CCNY: variants seen among roughly 807,000 people sequenced by gnomAD.
The protein encoded by CCNY is cyclin-Y.
A neutral mutation model predicts 42.8 loss-of-function variants in CCNY; 19 were observed. The ratio of observed to expected loss-of-function variants is 0.44; its 90% CI spans 0.31 to 0.65. The LOEUF (loss-of-function observed/expected upper bound fraction) is 0.65. CCNY is among the 30% of genes least tolerant of loss of function. CCNY has a pLI of 0.07. For missense variants in CCNY, 370 were observed against 437.3 expected, an observed-to-expected ratio of 0.85 and a Z score of 1.37; for synonymous variants, 165 against 162.7, an observed-to-expected ratio of 1.01 and a Z score of -0.11.
chr10:35,301,295 T>C (rs995343306), intron 3 of CCNY, among the ~76,000 whole-genome samples: 4 of 152,200 alleles, frequency 2.6e-5, no homozygotes, highest in Non-Finnish European at 5.9e-5. Flanking sequence ...GTAGACATGA[T>C]GGAAGGTCCA....
intron 1 of CCNY, among the ~76,000 whole-genome samples, chr10:35,394,391 G>T (rs917786810): frequency 1.3e-5 from 2 of 152,168 alleles, no homozygotes; most frequent in Admixed American, 6.5e-5. Context: ...AGAATTTCGC[G>T]CTGTGAAAAG....
exon 2 of CCNY, chr10:35,248,158 A>G (rs2135017621): frequency 6.6e-6 from 1 of 152,466 alleles, no homozygotes; most frequent in Middle Eastern, 3.4e-3. Flanking sequence ...CGGTCACAAC[A>G]TCAAGAGCTG....
intron 1 of CCNY, among the ~76,000 whole-genome samples, chr10:35,369,212 G>A (rs2135170624): frequency 6.6e-6 from 1 of 152,294 alleles, no homozygotes; most frequent in South Asian, 2.1e-4. Flanking sequence ...TGCCTGTCCT[G>A]ATTTCCACTC....
rs569545109 is a variant in CCNY, at chr10:35,268,051, A to G, written c.-9+17425A>G. 2.9e-4 allele frequency among the ~76,000 whole-genome samples: 44 copies of G among 152,098 alleles called. No individual in the cohort carries two copies. The South Asian group carries it at 9.1e-3, about 32-fold the overall frequency. Reference sequence around the variant, plus strand: ...GGGATTCTCCTGCCTCAGCCTCCCAAGTAGCTGGGATTATAAGCATGCGCC... The same window carrying G: ...GGGATTCTCCTGCCTCAGCCTCCCAGGTAGCTGGGATTATAAGCATGCGCC... On this transcript the variant is annotated intron_variant, in intron 3 of 11. Transcript: ENST00000374706.
At chr10:35,447,473 G>T (rs1564414620) in intron 1 of CCNY, among the ~76,000 whole-genome samples, 1 of 152,158 alleles carries the variant, frequency 6.6e-6, no homozygotes, top group Non-Finnish European at 1.5e-5. Flanking sequence ...AGACAGTGGG[G>T]TGATTATGAC....
chr10:35,319,857 G>A (rs1280975247), intron 3 of CCNY, among the ~76,000 whole-genome samples: 1 of 152,128 alleles, frequency 6.6e-6, no homozygotes, highest in East Asian at 1.9e-4. Context: ...GGTTGAGGCA[G>A]GAGAATTGCT....
chr10:35,388,819 CAG>C (rs930213333), intron 1 of CCNY, among the ~76,000 whole-genome samples: 11 of 152,194 alleles, frequency 7.2e-5, no homozygotes, highest in Admixed American at 6.5e-4. Context: ...TGGAGGCTCT[CAG>C]GGAGAATCTG....
At chr10:35,441,215 C>T (rs771714567) in intron 1 of CCNY, among the ~76,000 whole-genome samples, 3 of 152,120 alleles carry the variant, frequency 2.0e-5, no homozygotes, top group Non-Finnish European at 4.4e-5. Flanking sequence ...CAGAATGGAA[C>T]CATTGTAAGC....
chr10:35,548,746 G>A (rs1841174598), intron 7 of CCNY, among the ~76,000 whole-genome samples: 1 of 152,152 alleles, frequency 6.6e-6, no homozygotes, highest in Admixed American at 6.5e-5. Context: ...GGAGAAGGTG[G>A]AAGGGAGGCA....
intron 1 of CCNY, among the ~76,000 whole-genome samples, chr10:35,419,923 A>G (rs985928661): frequency 7.4e-6 from 1 of 135,590 alleles, no homozygotes; most frequent in Non-Finnish European, 1.6e-5. Context: ...TATGGCTGTA[A>G]TTTTTTTTTT....
At chr10:35,549,623 C>T (rs556024774) in intron 7 of CCNY, among the ~76,000 whole-genome samples, 3 of 142,604 alleles carry the variant, frequency 2.1e-5, no homozygotes, top group Non-Finnish European at 3.0e-5. Flanking sequence ...GACACATGAC[C>T]CTACAGTGCT....
chr10:35,545,353 C>G (rs538563000), intron 7 of CCNY, among the ~76,000 whole-genome samples: 1 of 152,180 alleles, frequency 6.6e-6, no homozygotes, highest in African/African-American at 2.4e-5. Flanking sequence ...GTCTCCCAGT[C>G]CTGGAGGCCA....
Position 35,275,882 on chromosome 10 carries a change from G to A in CCNY, c.-9+25256G>A, listed in dbSNP as rs558786563. 7.2e-5 allele frequency among the ~76,000 whole-genome samples: 11 copies of A among 152,314 alleles called. No individual in the cohort carries two copies. The South Asian group carries it at 1.4e-3, about 20-fold the overall frequency. ...CATGGACCACACGGCCCCAGCCACC[G>A]CCGGTTTAGCAGGGAAGGCATGGTG... On this transcript the variant is annotated intron_variant, in intron 3 of 11. Transcript: ENST00000374706.
upstream of CCNY, among the ~76,000 whole-genome samples, chr10:35,334,807 G>A (rs1835991156): frequency 6.6e-6 from 1 of 152,196 alleles, no homozygotes; most frequent in Non-Finnish European, 1.5e-5. Context: ...TAGATGTAGA[G>A]AATTAAATGA....
chr10:35,311,500 G>T (rs1251369560), intron 3 of CCNY, among the ~76,000 whole-genome samples: 1 of 151,982 alleles, frequency 6.6e-6, no homozygotes, highest in Non-Finnish European at 1.5e-5. Context: ...AAAATGGCCA[G>T]ACCCTGTCTC....
At chr10:35,403,743 A>C (rs966170990) in intron 1 of CCNY, among the ~76,000 whole-genome samples, 6 of 152,156 alleles carry the variant, frequency 3.9e-5, no homozygotes, top group African/African-American at 1.4e-4. Context: ...TGAGGGCTTG[A>C]ATTAAGGCAA....
chr10:35,534,805 T>G (rs144413178), intron 7 of CCNY, among the ~76,000 whole-genome samples: 55 of 152,176 alleles, frequency 3.6e-4, no homozygotes, highest in Non-Finnish European at 6.2e-4. Context: ...CATTTGCCTA[T>G]TCTGAACATT....
intron 1 of CCNY, among the ~76,000 whole-genome samples, chr10:35,370,754 C>A (rs182825054): frequency 1.3e-5 from 2 of 151,182 alleles, no homozygotes; most frequent in African/African-American, 4.9e-5. Flanking sequence ...CTCGCACTTT[C>A]GCCCAGGCTG....
chr10:35,251,484 T>A (rs55972637), intron 3 of CCNY, among the ~76,000 whole-genome samples: 30,465 of 152,114 alleles, frequency 0.2, 3,215 homozygotes, highest in African/African-American at 0.25. Flanking sequence ...ACTTTTATTT[T>A]TGATTAAAGT....
Sources: allele counts gnomAD v4.1 joint callset (sites outside exome capture counted in the v4.1 genomes callset), GRCh38; gene constraint gnomAD v4.1.1; transcripts MANE v1.5; gene names NCBI Gene and HGNC (gene_info 2026-07-23, HGNC 2026-07-21).